CNTN1: variants seen among roughly 807,000 people sequenced by gnomAD.
CNTN1 encodes the protein contactin 1.
A neutral mutation model predicts 126.4 loss-of-function variants in CNTN1; 38 were observed. That is an observed-to-expected ratio of 0.30 (90% CI 0.23 to 0.39). CNTN1 has a LOEUF of 0.39. Ranked by LOEUF, CNTN1 falls within the 10% of genes least tolerant of loss-of-function variation. The pLI is 1.00. For missense variants in CNTN1, 1,009 were observed against 1,248.4 expected (o/e 0.81, Z 2.89); for synonymous variants, 413 against 422.6 (o/e 0.98, Z 0.28).
At chr12:41,039,005 G>A (rs1043845286) in intron 23 of CNTN1, among the ~76,000 whole-genome samples, 1 of 152,144 alleles carries the variant, frequency 6.6e-6, no homozygotes, top group Non-Finnish European at 1.5e-5. Flanking sequence ...ATGTTTAGAT[G>A]TTCAAGGAAC....
intron 1 of CNTN1, among the ~76,000 whole-genome samples, chr12:40,726,755 A>C (rs1942360923): frequency 6.6e-6 from 1 of 151,744 alleles, no homozygotes; most frequent in Admixed American, 6.6e-5. Context: ...GTTTTAAAAA[A>C]CTCTGTTGGA....
chr12:40,960,942 T>A (rs1235454510), intron 15 of CNTN1, among the ~76,000 whole-genome samples: 1 of 152,082 alleles, frequency 6.6e-6, no homozygotes, highest in Non-Finnish European at 1.5e-5. Context: ...TGTCTTCATA[T>A]GATTACATTG....
At chr12:40,827,666 T>C (rs1029575013) in intron 1 of CNTN1, among the ~76,000 whole-genome samples, 2 of 152,178 alleles carry the variant, frequency 1.3e-5, no homozygotes, top group Non-Finnish European at 2.9e-5. Flanking sequence ...CATTCTGCAG[T>C]ATGCAAATGT....
intron 23 of CNTN1, among the ~76,000 whole-genome samples, chr12:41,067,891 G>A (rs993677480): frequency 6.6e-6 from 1 of 152,050 alleles, no homozygotes; most frequent in Admixed American, 6.5e-5. Context: ...TGTGGTCTGT[G>A]GCATATTTTA....
intron 14 of CNTN1, among the ~76,000 whole-genome samples, chr12:40,957,060 A>G (rs1308640909): frequency 2.0e-5 from 3 of 152,000 alleles, no homozygotes; most frequent in Non-Finnish European, 4.4e-5. Flanking sequence ...CTAGAAAAAA[A>G]TGAGTATTTG....
chr12:40,704,155 G>A (rs894982172), intron 1 of CNTN1, among the ~76,000 whole-genome samples: 11 of 152,128 alleles, frequency 7.2e-5, no homozygotes, highest in South Asian at 2.1e-4. Context: ...TCTTATTCTC[G>A]GAGCAATGGT....
Position 40,976,543 on chromosome 12 carries a change from G to A in CNTN1, c.1805-4366G>A, listed in dbSNP as rs11179276. On this transcript the variant is annotated intron_variant, in intron 15 of 23. Transcript: ENST00000551295. ...CGCATGGTAATGGAAACTAAAAAAA[G>A]AAAAAAAAAAAAGAAAGAAAGAACT... Among the ~76,000 whole-genome samples the A allele has an allele frequency of 3.6e-3, 383 of 105,532 alleles. 6 individuals carry two copies. The highest frequency in any genetic ancestry group is 7.2e-3 in the South Asian group (26 of 3,628). The allele number at this position is 105,532 out of a possible 152,430, so 69.2% of individuals were successfully genotyped here. A position where few individuals can be genotyped will look rare whatever the true frequency, so the allele number is the denominator to read the frequency against.
chr12:41,050,138 G>A (rs1239262328), intron 23 of CNTN1, among the ~76,000 whole-genome samples: 5 of 152,140 alleles, frequency 3.3e-5, no homozygotes, highest in African/African-American at 1.2e-4. Flanking sequence ...GACCTCAGGT[G>A]ATCCGCCTGC....
At position 40,852,808 on chromosome 12, in the gene CNTN1, A is replaced by G. The variant is rs577257309; in HGVS notation, c.-76-55549A>G. On this transcript the variant is annotated intron_variant, in intron 1 of 23. Transcript: ENST00000551295. ...AGTTACTATTATTTCTATTCTTACA[A>G]TCTTCCTTTATTAATTTTCATGATT... Among the ~76,000 whole-genome samples the G allele has an allele frequency of 1.1e-4, 16 of 151,826 alleles. No individual in the cohort carries two copies. In the East Asian group the frequency reaches 2.9e-3, roughly 28 times the overall value.
Position 41,069,963 on chromosome 12 carries a change from A to G in CNTN1, c.2985A>G (p.Ala995=). The change falls in exon 24 of 24, where the codon GCA becomes GCG. Residue 995 remains alanine, a synonymous_variant. Coordinates refer to ENST00000551295, the MANE Select transcript of CNTN1 (RefSeq NM_001843.4). ...GVVSQVKISG[A]PTLSPSLLGL... is the part of the protein sequence containing the mutation. ...CACTTTTGGTTTACCTTGCAGGTGC[A>G]CCCACCCTATCCCCAAGTCTTCTCG... 1 of 1,613,842 alleles carries G rather than the reference A, an allele frequency of 6.2e-7. No individual in the cohort carries two copies. The highest frequency in any genetic ancestry group is 8.5e-7 in the Non-Finnish European group (1 of 1,179,894).
intron 1 of CNTN1, among the ~76,000 whole-genome samples, chr12:40,881,473 T>G (rs1346856379): frequency 6.6e-6 from 1 of 151,856 alleles, no homozygotes; most frequent in Non-Finnish European, 1.5e-5. Flanking sequence ...GTTCCTAAAC[T>G]TTTGCAAGTT....
intron 1 of CNTN1, among the ~76,000 whole-genome samples, chr12:40,716,174 A>G (rs1252387809): frequency 6.6e-6 from 1 of 151,352 alleles, no homozygotes; most frequent in African/African-American, 2.4e-5. Flanking sequence ...GTAATGAGGG[A>G]CTGGCCCCAG....
chr12:41,061,735 A>G (rs761562242), intron 23 of CNTN1: 40 of 452,972 alleles, frequency 8.8e-5, no homozygotes, highest in South Asian at 5.2e-4. Flanking sequence ...CTTAAAACTT[A>G]TAACATTAAA....
Position 40,911,571 on chromosome 12 carries a change from G to T in CNTN1, c.94+1466G>T, listed in dbSNP as rs185688561. Among the ~76,000 whole-genome samples the T allele has an allele frequency of 2.0e-5, 3 of 152,128 alleles. No individual in the cohort carries two copies. In the East Asian group the frequency reaches 5.8e-4, roughly 29 times the overall value. On this transcript the variant is annotated intron_variant, in intron 3 of 23. Coordinates refer to ENST00000551295, the MANE Select transcript of CNTN1 (RefSeq NM_001843.4). Reference sequence around the variant, plus strand: ...ATCTGCTGCAATCAGTGTTTCCCACGAGCACTCAACAAAAACTGCCTCATT... The same window carrying T: ...ATCTGCTGCAATCAGTGTTTCCCACTAGCACTCAACAAAAACTGCCTCATT...
intron 1 of CNTN1, among the ~76,000 whole-genome samples, chr12:40,831,586 C>A (rs1592135861): frequency 6.6e-6 from 1 of 152,110 alleles, no homozygotes; most frequent in East Asian, 1.9e-4. Flanking sequence ...ATCTTTCTTT[C>A]AGATATGCTC....
intron 1 of CNTN1, among the ~76,000 whole-genome samples, chr12:40,831,812 T>A (rs2136553449): frequency 6.6e-6 from 1 of 152,258 alleles, no homozygotes; most frequent in Admixed American, 6.5e-5. Flanking sequence ...ATGCAAAAGA[T>A]GAAGGGCCTG....
chr12:41,035,441 C>A (rs1949236772), intron 23 of CNTN1, among the ~76,000 whole-genome samples: 2 of 152,124 alleles, frequency 1.3e-5, no homozygotes, highest in Admixed American at 1.3e-4. Context: ...CAATAAGTGT[C>A]TAAACACCAA....
At chr12:40,795,549 T>C (rs1022716176) in intron 1 of CNTN1, among the ~76,000 whole-genome samples, 1 of 150,230 alleles carries the variant, frequency 6.7e-6, no homozygotes, top group Admixed American at 6.6e-5. Context: ...TATAGGCACA[T>C]ATATATAGGT....
chr12:40,712,132 G>A (rs983460701), intron 1 of CNTN1, among the ~76,000 whole-genome samples: 4 of 152,028 alleles, frequency 2.6e-5, no homozygotes, highest in Admixed American at 2.6e-4. Context: ...ACTTTACTAG[G>A]TCACTAAAAT....
Sources: allele counts gnomAD v4.1 joint callset (sites outside exome capture counted in the v4.1 genomes callset), GRCh38; gene constraint gnomAD v4.1.1; transcripts MANE v1.5; gene names NCBI Gene and HGNC (gene_info 2026-07-23, HGNC 2026-07-21).